The following CDC40 variants were observed in gnomAD, a reference collection of about 807,000 sequenced individuals.
CDC40 encodes the protein pre-mRNA-processing factor 17.
CDC40 carries 27 observed loss-of-function variants against 80.6 expected under a neutral mutation model. The ratio of observed to expected loss-of-function variants is 0.33; its 90% CI spans 0.25 to 0.46. The LOEUF (loss-of-function observed/expected upper bound fraction) is 0.46. CDC40 is among the 20% of genes least tolerant of loss of function. CDC40 has a pLI of 1.00. For missense variants in CDC40, 486 were observed against 694.1 expected (o/e 0.70, Z 3.37); for synonymous variants, 221 against 232.6 (o/e 0.95, Z 0.45).
chr6:110,203,055 C>T (rs1777513447), intron 3 of CDC40, among the ~76,000 whole-genome samples: 1 of 152,016 alleles, frequency 6.6e-6, no homozygotes, highest in African/African-American at 2.4e-5. Context: ...TAGATAAGGT[C>T]GATCTTATTT....
Position 110,219,762 on chromosome 6 carries a change from G to A in CDC40, c.1233G>A (p.Val411=). ...VQWDIRSGEI[V]QEYDRHLGAV... is the part of the protein sequence containing the mutation. ...GGGACATTCGAAGTGGAGAAATTGT[G>A]CAGGAATATGATCGGCATTTGGGAG... The change falls in exon 12 of 15, where the codon GTG becomes GTA. Residue 411 remains valine, a synonymous_variant. Coordinates refer to ENST00000307731, the MANE Select transcript of CDC40 (RefSeq NM_015891.3). 3 of 1,614,014 alleles carry A rather than the reference G, an allele frequency of 1.9e-6. No homozygotes were observed. Among genetic ancestry groups the A allele is most frequent in the Non-Finnish European group, 2.5e-6 (3 of 1,179,956 alleles).
intron 8 of CDC40, among the ~76,000 whole-genome samples, chr6:110,214,804 A>G (rs910658442): frequency 1.3e-5 from 2 of 152,212 alleles, no homozygotes; most frequent in African/African-American, 4.8e-5. Context: ...CTAGATCATC[A>G]TTTTCTTACA....
At chr6:110,208,799 T>A (rs897263493) in intron 4 of CDC40, among the ~76,000 whole-genome samples, 3 of 152,120 alleles carry the variant, frequency 2.0e-5, no homozygotes, top group African/African-American at 7.2e-5. Flanking sequence ...ATTGTAGGAG[T>A]ACATATTTGG....
rs780094397 is a variant in CDC40 at position 110,201,612 on chromosome 6, C to G, written c.331C>G (p.Leu111Val). The G allele has an allele frequency of 1.9e-6, 3 of 1,612,508 alleles. No individual in the cohort carries two copies. In the South Asian group the frequency reaches 3.3e-5, roughly 18 times the overall value. Residue 111 changes from leucine (L) to valine (V), a missense_variant, in exon 3 of 15, where the codon CTT (leucine) becomes GTT (valine). Leu to Val is a conservative substitution (Grantham distance 32). Around this residue, in one of 3 missense-constraint regions of CDC40, gnomAD observed 381 missense variants for 492.1 expected, o/e 0.77. Coordinates refer to ENST00000307731, the MANE Select transcript of CDC40 (RefSeq NM_015891.3). ...GCAAATGGCTGCCCCTAGAAATATG[C>G]TTTCTGGATATGCCGAACCAGCTCA... ...TQQMAAPRNM[L>V]SGYAEPAHIN...
intron 12 of CDC40, chr6:110,224,331 A>G (rs1021697002): frequency 6.6e-6 from 1 of 152,106 alleles, no homozygotes; most frequent in Admixed American, 6.5e-5. Flanking sequence ...ATGAGTTACT[A>G]GCTTATTATA....
chr6:110,205,025 A>G (rs139285444), intron 3 of CDC40, among the ~76,000 whole-genome samples: 64 of 152,232 alleles, frequency 4.2e-4, no homozygotes, highest in Non-Finnish European at 7.9e-4. Context: ...TTGATAATCA[A>G]AGTATTATAT....
chr6:110,198,821 TCA>T (rs1255405981), intron 2 of CDC40, among the ~76,000 whole-genome samples: 1 of 152,234 alleles, frequency 6.6e-6, no homozygotes, highest in African/African-American at 2.4e-5. Flanking sequence ...ACTCTTAAAC[TCA>T]GTTAACTACC....
chr6:110,220,605 C>T (rs1053265762), intron 12 of CDC40, among the ~76,000 whole-genome samples: 5 of 151,916 alleles, frequency 3.3e-5, no homozygotes, highest in South Asian at 2.1e-4. Context: ...CCACCACGCC[C>T]GGCTAATTTT....
At chr6:110,212,063 T>C (rs1489775958) in intron 6 of CDC40, 70 bp from the exon 7 acceptor site, 2 of 1,329,568 alleles carry the variant, frequency 1.5e-6, no homozygotes, top group Admixed American at 1.8e-5. Flanking sequence ...AAAATGTTAT[T>C]TTAAGAATGT....
chr6:110,186,847 T>G (rs1290537431), intron 1 of CDC40, among the ~76,000 whole-genome samples: 1 of 152,232 alleles, frequency 6.6e-6, no homozygotes, highest in Non-Finnish European at 1.5e-5. Flanking sequence ...AATGTGGACC[T>G]TTGGACATTT....
At chr6:110,181,628 A>G (rs7761436) in intron 1 of CDC40, among the ~76,000 whole-genome samples, 76,260 of 152,166 alleles carry the variant, frequency 0.5, 22,967 homozygotes, top group Non-Finnish European at 0.66. Context: ...CTTCCTATCA[A>G]AACAAAACTT....
chr6:110,207,889 A>G (rs961514712), intron 4 of CDC40, among the ~76,000 whole-genome samples: 2 of 152,222 alleles, frequency 1.3e-5, no homozygotes, highest in African/African-American at 4.8e-5. Flanking sequence ...AATTACAACT[A>G]ATGTATAGAT....
intron 12 of CDC40, among the ~76,000 whole-genome samples, chr6:110,222,850 G>C (rs1167385223): frequency 6.6e-6 from 1 of 152,202 alleles, no homozygotes; most frequent in Non-Finnish European, 1.5e-5. Flanking sequence ...CATTATTGGT[G>C]TAATTATCAA....
chr6:110,204,864 C>T (rs981995144), intron 3 of CDC40, among the ~76,000 whole-genome samples: 2 of 151,728 alleles, frequency 1.3e-5, no homozygotes. Flanking sequence ...TGGGGTTTTA[C>T]CATATTGGCC....
chr6:110,197,596 C>G (rs1777434771), intron 2 of CDC40, among the ~76,000 whole-genome samples: 1 of 124,686 alleles, frequency 8.0e-6, no homozygotes, highest in Admixed American at 8.5e-5. Context: ...CCATTCCATC[C>G]CCACCCACCC....
chr6:110,182,184 A>G, intron 1 of CDC40, among the ~76,000 whole-genome samples: 1 of 152,262 alleles, frequency 6.6e-6, no homozygotes, highest in East Asian at 1.9e-4. Context: ...GTAAAGTAGG[A>G]ATAACAGTAG....
chr6:110,208,417 A>T (rs114266804), intron 4 of CDC40, among the ~76,000 whole-genome samples: 1 of 152,150 alleles, frequency 6.6e-6, no homozygotes, highest in African/African-American at 2.4e-5. Context: ...GTTAATGACT[A>T]TACACAGTAT....
chr6:110,197,363 T>C (rs1345200056), intron 2 of CDC40, among the ~76,000 whole-genome samples: 1 of 152,238 alleles, frequency 6.6e-6, no homozygotes, highest in Non-Finnish European at 1.5e-5. Context: ...TTTTTTAATA[T>C]GTATACATTG....
At chr6:110,223,589 A>C (rs1340465371) in intron 12 of CDC40, among the ~76,000 whole-genome samples, 1 of 152,168 alleles carries the variant, frequency 6.6e-6, no homozygotes, top group East Asian at 1.9e-4. Flanking sequence ...GACCTCCTCA[A>C]AGTGACAGCT....
Sources: gnomAD v4.1 joint callset for allele counts (sites outside exome capture counted in the v4.1 genomes callset) on GRCh38, gnomAD v4.1.1 for gene constraint, gnomAD v4.1.1 regional missense constraint, MANE v1.5 for transcripts, NCBI Gene and HGNC (gene_info 2026-07-23, HGNC 2026-07-21) for gene names.